Variants in TMPRSS11E observed in about 807,000 individuals in gnomAD.
The protein encoded by TMPRSS11E is transmembrane protease serine 11E.
In TMPRSS11E, 38 loss-of-function variants were observed where a neutral mutation model predicts 48.1. That is an observed-to-expected ratio of 0.79 (90% CI 0.61 to 1.04). The LOEUF is 1.04. Among genes scored for constraint, TMPRSS11E ranks in the 50% least tolerant of loss-of-function variants. The pLI, the probability that TMPRSS11E is intolerant of heterozygous loss-of-function variation, is 0.00. For synonymous variants in TMPRSS11E, 158 were observed against 171.9 expected, an observed-to-expected ratio of 0.92 and a Z score of 0.63; for missense variants, 530 against 510.8, an observed-to-expected ratio of 1.04 and a Z score of -0.36.
rs1327967524 is a variant in TMPRSS11E, at chr4:68,466,656, T to C, written c.162T>C (p.Tyr54=). The C allele has an allele frequency of 1.2e-6, 2 of 1,613,260 alleles. No individual in the cohort carries two copies. Among genetic ancestry groups the C allele is most frequent in the African/African-American group, 1.3e-5 (1 of 74,872 alleles). ...RYNQKKTYNY[Y]STLSFTTDKL... ...ATCAAAAGAAGACCTACAATTACTA[T>C]AGCACATTGTCATTTACAACTGACA... is the stretch of plus-strand genomic sequence containing the variant. Residue 54 remains tyrosine, a synonymous_variant, in exon 3 of 10, where the codon TAT becomes TAC. Coordinates refer to ENST00000305363, the MANE Select transcript of TMPRSS11E (RefSeq NM_014058.4).
chr4:68,477,637 CG>C lies in TMPRSS11E; in HGVS notation c.967+11del. 6.2e-7 allele frequency: 1 copy of C among 1,609,128 alleles called. No individual in the cohort carries two copies. ...AGCACTGAAAAATGATGGTGAGCAT[CG>C]GAAGAGGAACTCAAGTAAAAGTTAA... On this transcript the variant is annotated intron_variant, in intron 8 of 9. Coordinates refer to ENST00000305363, the MANE Select transcript of TMPRSS11E (RefSeq NM_014058.4).
intron 9 of TMPRSS11E, among the ~76,000 whole-genome samples, chr4:68,495,439 T>G (rs946450095): frequency 6.6e-6 from 1 of 152,136 alleles, no homozygotes; most frequent in Admixed American, 6.6e-5. Flanking sequence ...TTATTTATTT[T>G]TGAATAGCTT....
intron 4 of TMPRSS11E, among the ~76,000 whole-genome samples, chr4:68,469,319 T>C (rs2109685008): frequency 6.6e-6 from 1 of 152,098 alleles, no homozygotes; most frequent in East Asian, 1.9e-4. Context: ...CTTCCTCCTA[T>C]TAATCAATCT....
chr4:68,491,270 G>A (rs182659688), intron 9 of TMPRSS11E, among the ~76,000 whole-genome samples: 18 of 130,970 alleles, frequency 1.4e-4, no homozygotes, highest in African/African-American at 5.1e-4. Flanking sequence ...CCAGGTTGCT[G>A]GCTTCTTCCA....
chr4:68,454,933 T>G (rs554274649), intron 1 of TMPRSS11E, among the ~76,000 whole-genome samples: 1 of 152,122 alleles, frequency 6.6e-6, no homozygotes, highest in East Asian at 1.9e-4. Flanking sequence ...TATGACCATC[T>G]TGTGTTGGAA....
chr4:68,472,599 G>T (rs1270399565), intron 5 of TMPRSS11E, among the ~76,000 whole-genome samples: 1 of 151,942 alleles, frequency 6.6e-6, no homozygotes, highest in Admixed American at 6.6e-5. Context: ...CAGAATAGGG[G>T]ACAAGTAGAG....
intron 9 of TMPRSS11E, among the ~76,000 whole-genome samples, chr4:68,485,358 G>T (rs1013232079): frequency 6.6e-6 from 1 of 152,062 alleles, no homozygotes; most frequent in Non-Finnish European, 1.5e-5. Flanking sequence ...TGTTGGTCAG[G>T]CTGGTCTTGA....
intron 9 of TMPRSS11E, among the ~76,000 whole-genome samples, chr4:68,494,365 T>C (rs572356696): frequency 6.6e-6 from 1 of 152,356 alleles, no homozygotes; most frequent in South Asian, 2.1e-4. Flanking sequence ...GCTCATATTA[T>C]TAGGGTTCAC....
At chr4:68,477,010 G>A (rs537610771) in intron 7 of TMPRSS11E, among the ~76,000 whole-genome samples, 47 of 152,124 alleles carry the variant, frequency 3.1e-4, no homozygotes, top group Non-Finnish European at 5.0e-4. Context: ...TTGGTTTTCA[G>A]AGAAATGTGT....
Position 68,477,513 on chromosome 4 carries a change from T to C in TMPRSS11E, c.852T>C (p.Ser284=). 6.2e-7 allele frequency: 1 copy of C among 1,614,102 alleles called. No individual in the cohort carries two copies. Among genetic ancestry groups the C allele is most frequent in the Non-Finnish European group, 8.5e-7 (1 of 1,179,984 alleles). ...HDYDISLAEL[S]SPVPYTNAVH... is the part of the protein sequence containing the mutation. ...ATGATATTTCTCTTGCAGAGCTTTC[T>C]AGCCCTGTTCCCTACACAAATGCAG... The change falls in exon 8 of 10, where the codon TCT becomes TCC. Residue 284 remains serine, a synonymous_variant. Coordinates refer to ENST00000305363, the MANE Select transcript of TMPRSS11E (RefSeq NM_014058.4).
intron 9 of TMPRSS11E, among the ~76,000 whole-genome samples, chr4:68,483,525 G>T (rs1279461752): frequency 6.6e-6 from 1 of 152,148 alleles, no homozygotes; most frequent in Non-Finnish European, 1.5e-5. Context: ...AAAGATTCTG[G>T]ATATTAGACC....
At chr4:68,478,451 C>CTTT (rs377068765) in intron 8 of TMPRSS11E, among the ~76,000 whole-genome samples, 21,192 of 73,292 alleles carry the variant, frequency 0.29, 3,807 homozygotes, top group Non-Finnish European at 0.32. Flanking sequence ...GTATCCCCCG[C>CTTT]TTTTTTTTTT....
chr4:68,490,931 G>C (rs2109721253), intron 9 of TMPRSS11E, among the ~76,000 whole-genome samples: 1 of 151,774 alleles, frequency 6.6e-6, no homozygotes, highest in Middle Eastern at 3.4e-3. Context: ...ACTAATTTTT[G>C]TATTTTTAGT....
At chr4:68,492,673 G>C (rs913067513) in intron 9 of TMPRSS11E, among the ~76,000 whole-genome samples, 1 of 152,098 alleles carries the variant, frequency 6.6e-6, no homozygotes, top group Non-Finnish European at 1.5e-5. Context: ...TAAATAGAAC[G>C]TCTTTAAACA....
At chr4:68,471,056 G>T (rs1729050169) in intron 4 of TMPRSS11E, among the ~76,000 whole-genome samples, 1 of 151,804 alleles carries the variant, frequency 6.6e-6, no homozygotes, top group Admixed American at 6.6e-5. Flanking sequence ...CCTTTTGATG[G>T]TAAGGGAGAC....
chr4:68,454,061 G>C (rs1248438360), intron 1 of TMPRSS11E, among the ~76,000 whole-genome samples: 1 of 151,872 alleles, frequency 6.6e-6, no homozygotes, highest in Non-Finnish European at 1.5e-5. Flanking sequence ...TGGTGGCTGT[G>C]TGCCTAACCA....
intron 2 of TMPRSS11E, among the ~76,000 whole-genome samples, chr4:68,466,106 C>G (rs1175146221): frequency 6.6e-6 from 1 of 152,168 alleles, no homozygotes; most frequent in African/African-American, 2.4e-5. Flanking sequence ...GCTCCCTAAA[C>G]TTCCATTTAC....
rs137885953 is a variant in TMPRSS11E, at chr4:68,479,012, G to A, written c.1110+21G>A. 3.7e-4 allele frequency: 587 copies of A among 1,606,430 alleles called. 3 individuals carry two copies. In the African/African-American group the frequency reaches 6.8e-3, roughly 19 times the overall value. ...GCCAGGTAAACAGTTTTGCCCATTAGTAGGTTGTGTAATTTTTTGTTTACT... is the reference window on the plus strand; with the variant it reads ...GCCAGGTAAACAGTTTTGCCCATTAATAGGTTGTGTAATTTTTTGTTTACT... On this transcript the variant is annotated intron_variant, in intron 9 of 9. Transcript: ENST00000305363.
intron 1 of TMPRSS11E, among the ~76,000 whole-genome samples, chr4:68,454,647 T>G (rs566965573): frequency 6.6e-6 from 1 of 152,096 alleles, no homozygotes; most frequent in East Asian, 1.9e-4. Flanking sequence ...CATTGCTGAA[T>G]TAATTCAGAT....
Sources: gnomAD v4.1 joint callset for allele counts (sites outside exome capture counted in the v4.1 genomes callset) on GRCh38, gnomAD v4.1.1 for gene constraint, MANE v1.5 for transcripts, NCBI Gene and HGNC (gene_info 2026-07-23, HGNC 2026-07-21) for gene names.